Variants in LRRC4C observed in about 807,000 individuals in gnomAD.
LRRC4C encodes leucine rich repeat containing 4C.
A neutral mutation model predicts 33.6 loss-of-function variants in LRRC4C; 5 were observed. The ratio of observed to expected loss-of-function variants is 0.15; its 90% confidence interval spans 0.08 to 0.31. The LOEUF is 0.31. Among genes scored for constraint, LRRC4C ranks in the 10% least tolerant of loss-of-function variants. The pLI is 1.00. For missense variants in LRRC4C, 560 were observed against 796.7 expected (o/e 0.70, Z 3.58); for synonymous variants, 329 against 302.0 (o/e 1.09, Z -0.93).
chr11:40,523,314 T>G (rs982355951), intron 3 of LRRC4C, among the ~76,000 whole-genome samples: 1 of 152,006 alleles, frequency 6.6e-6, no homozygotes, highest in Non-Finnish European at 1.5e-5. Flanking sequence ...TACTTATTGG[T>G]AATGTATATA....
chr11:41,296,947 CT>C (rs534091573), intron 1 of LRRC4C, among the ~76,000 whole-genome samples: 205 of 152,276 alleles, frequency 1.3e-3, no homozygotes, highest in African/African-American at 4.7e-3. Context: ...AAAGTCCACA[CT>C]TTTCTTTTAC....
chr11:41,146,348 T>G (rs1377561097), intron 1 of LRRC4C, among the ~76,000 whole-genome samples: 1 of 152,332 alleles, frequency 6.6e-6, no homozygotes, highest in Admixed American at 6.5e-5. Context: ...GACTGAACTG[T>G]CTGTGGATGA....
intron 2 of LRRC4C, among the ~76,000 whole-genome samples, chr11:40,898,616 A>G (rs1956073358): frequency 1.3e-5 from 2 of 152,086 alleles, no homozygotes; most frequent in African/African-American, 4.8e-5. Flanking sequence ...TAGAAACTAT[A>G]GATACATCCT....
chr11:41,032,889 C>A (rs984081996), intron 1 of LRRC4C, among the ~76,000 whole-genome samples: 1 of 152,098 alleles, frequency 6.6e-6, no homozygotes, highest in Non-Finnish European at 1.5e-5. Context: ...TTCACTCATT[C>A]AGTCATAATC....
intron 2 of LRRC4C, among the ~76,000 whole-genome samples, chr11:40,931,899 G>A (rs1448878764): frequency 3.3e-5 from 5 of 152,052 alleles, no homozygotes; most frequent in African/African-American, 1.2e-4. Flanking sequence ...TCCGAGTAAT[G>A]TCAGAGGATC....
chr11:41,135,126 A>G (rs768171912), intron 1 of LRRC4C, among the ~76,000 whole-genome samples: 4 of 152,156 alleles, frequency 2.6e-5, no homozygotes, highest in Non-Finnish European at 5.9e-5. Context: ...ACACATGGCC[A>G]TAAGGGTTGT....
intron 1 of LRRC4C, among the ~76,000 whole-genome samples, chr11:41,165,832 C>T (rs1944697836): frequency 6.6e-6 from 1 of 151,976 alleles, no homozygotes; most frequent in Non-Finnish European, 1.5e-5. Context: ...GAGTTCGAGA[C>T]CAGAATGGCC....
In LRRC4C at chr11:40,134,807, T is replaced by C. The variant is rs192689783; in HGVS notation, c.-43+5994A>G. Among the ~76,000 whole-genome samples, 15 of 152,358 alleles carry C rather than the reference T, an allele frequency of 9.8e-5. 1 individual carries two copies. In the East Asian group the frequency reaches 2.9e-3, roughly 29 times the overall value. ...CTTCCTCTGATTTCTGTATATTTTT[T>C]AGTCCCTACAACTTTGGAGTAAGTC... is the stretch of plus-strand genomic sequence containing the variant. On this transcript the variant is annotated intron_variant, in intron 6 of 6. Coordinates refer to ENST00000528697, the MANE Select transcript of LRRC4C (RefSeq NM_001258419.2).
At chr11:41,204,872 T>C (rs1690311794) in intron 1 of LRRC4C, among the ~76,000 whole-genome samples, 1 of 152,146 alleles carries the variant, frequency 6.6e-6, no homozygotes, top group South Asian at 2.1e-4. Flanking sequence ...ATAAACAAGA[T>C]GATTGTAAGG....
At chr11:40,932,176 T>C (rs1418088107) in intron 2 of LRRC4C, among the ~76,000 whole-genome samples, 5 of 152,016 alleles carry the variant, frequency 3.3e-5, no homozygotes, top group African/African-American at 1.2e-4. Flanking sequence ...TTGGTGAGAG[T>C]AATTTAAGCA....
At chr11:41,356,499 T>G (rs1952166884) in intron 1 of LRRC4C, among the ~76,000 whole-genome samples, 1 of 152,130 alleles carries the variant, frequency 6.6e-6, no homozygotes, top group African/African-American at 2.4e-5. Flanking sequence ...GAATTATGTC[T>G]CTGTTAGGTG....
intron 2 of LRRC4C, among the ~76,000 whole-genome samples, chr11:40,888,542 C>T (rs1294737931): frequency 6.6e-6 from 1 of 151,914 alleles, no homozygotes; most frequent in Non-Finnish European, 1.5e-5. Flanking sequence ...AAAAATGATT[C>T]CCACTTATTT....
chr11:40,311,420 T>C (rs983632948), intron 4 of LRRC4C, among the ~76,000 whole-genome samples: 1 of 152,216 alleles, frequency 6.6e-6, no homozygotes, highest in African/African-American at 2.4e-5. Context: ...GTGTACTTAA[T>C]GAGTGAGTGC....
intron 2 of LRRC4C, among the ~76,000 whole-genome samples, chr11:40,774,064 T>C (rs1949875296): frequency 6.6e-6 from 1 of 152,114 alleles, no homozygotes; most frequent in African/African-American, 2.4e-5. Context: ...TGTCAATTGA[T>C]CCATGGGCTT....
intron 2 of LRRC4C, among the ~76,000 whole-genome samples, chr11:40,911,536 C>A (rs1305626852): frequency 1.3e-5 from 2 of 152,104 alleles, no homozygotes; most frequent in African/African-American, 4.8e-5. Context: ...CACACCAAAA[C>A]CCCATCTGTA....
intron 2 of LRRC4C, among the ~76,000 whole-genome samples, chr11:40,836,923 C>T (rs1952699252): frequency 6.6e-6 from 1 of 152,124 alleles, no homozygotes; most frequent in Non-Finnish European, 1.5e-5. Context: ...CATCCAGTTC[C>T]TCAACATCAC....
At chr11:40,160,892 C>A (rs1273450041) in intron 5 of LRRC4C, among the ~76,000 whole-genome samples, 2 of 152,096 alleles carry the variant, frequency 1.3e-5, no homozygotes, top group Non-Finnish European at 2.9e-5. Context: ...GACTATGTGA[C>A]AACATAGAGA....
chr11:40,907,234 C>T (rs1956463538), intron 2 of LRRC4C, among the ~76,000 whole-genome samples: 1 of 152,194 alleles, frequency 6.6e-6, no homozygotes, highest in South Asian at 2.1e-4. Context: ...GCTAAAATAG[C>T]TAGCCCTTGT....
intron 1 of LRRC4C, among the ~76,000 whole-genome samples, chr11:40,958,488 G>C (rs1959057699): frequency 6.6e-6 from 1 of 151,606 alleles, no homozygotes; most frequent in Admixed American, 6.6e-5. Flanking sequence ...ATTTTTAATA[G>C]TCCCTATAAG....
Sources: allele counts gnomAD v4.1 joint callset (sites outside exome capture counted in the v4.1 genomes callset), GRCh38; gene constraint gnomAD v4.1.1; transcripts MANE v1.5; gene names NCBI Gene and HGNC (gene_info 2026-07-23, HGNC 2026-07-21).